The following MYOM2 variants were observed in gnomAD, a reference collection of about 807,000 sequenced individuals.
MYOM2 encodes myomesin 2.
MYOM2 carries 254 observed loss-of-function variants against 187.6 expected under a neutral mutation model. The ratio of observed to expected loss-of-function variants is 1.35; its 90% CI spans 1.22 to 1.50. The LOEUF (loss-of-function observed/expected upper bound fraction) is 1.50. MYOM2 is among the 40% of genes most tolerant of loss of function. MYOM2 has a pLI of 0.00. For synonymous variants in MYOM2, 981 were observed against 753.8 expected, an observed-to-expected ratio of 1.30 and a Z score of -4.94; for missense variants, 2,796 against 1,924.0, an observed-to-expected ratio of 1.45 and a Z score of -8.48.
intron 32 of MYOM2, among the ~76,000 whole-genome samples, chr8:2,137,441 G>A (rs916594704): frequency 6.6e-6 from 1 of 152,056 alleles, no homozygotes; most frequent in Non-Finnish European, 1.5e-5. Context: ...GCAGGGCAGG[G>A]AAGCAGGGTG....
At chr8:2,084,951 C>T (rs182597064) in intron 13 of MYOM2, 61 of 334,570 alleles carry the variant, frequency 1.8e-4, no homozygotes, top group Non-Finnish European at 2.6e-4. Flanking sequence ...AGCCCCATTT[C>T]GGGTGCAATG....
chr8:2,112,729 G>T (rs1427132594), intron 25 of MYOM2, among the ~76,000 whole-genome samples: 1 of 152,170 alleles, frequency 6.6e-6, no homozygotes, highest in Non-Finnish European at 1.5e-5. Context: ...TATCAAAACA[G>T]AAATGTAAAC....
At chr8:2,048,333 G>A (rs534254541) in intron 1 of MYOM2, among the ~76,000 whole-genome samples, 1 of 152,354 alleles carries the variant, frequency 6.6e-6, no homozygotes, top group South Asian at 2.1e-4. Context: ...GCTCTTCCCA[G>A]CACCCTGCTG....
In MYOM2 at chr8:2,100,013, TTTCTTTCCTTCCTTCC is replaced by T. The variant is rs1282072373; in HGVS notation, c.2441-827_2441-812del. ...CTTCCTTCTTTCCTTCCTTCCTTCC[TTTCTTTCCTTCCTTCC>T]TTCTTTCCTTCCTTCCTTCTTTCCT... On this transcript the variant is annotated intron_variant, in intron 19 of 36. Transcript: ENST00000262113. Among the ~76,000 whole-genome samples, 61 of 69,136 alleles carry T rather than the reference TTTCTTTCCTTCCTTCC, an allele frequency of 8.8e-4. 1 individual carries two copies. The highest frequency in any genetic ancestry group is 1.8e-3 in the African/African-American group (48 of 26,878). The allele number at this position is 69,136 out of a possible 152,430, so 45.4% of individuals were successfully genotyped here.
intron 1 of MYOM2, among the ~76,000 whole-genome samples, chr8:2,047,548 G>T (rs1267057239): frequency 3.3e-5 from 5 of 152,282 alleles, no homozygotes; most frequent in Middle Eastern, 3.4e-3. Context: ...GAAATCCAAG[G>T]GTTCTGATTT....
At chr8:2,058,155 A>G (rs1818736985) in intron 5 of MYOM2, among the ~76,000 whole-genome samples, 1 of 151,622 alleles carries the variant, frequency 6.6e-6, no homozygotes, top group Non-Finnish European at 1.5e-5. Context: ...AGTAGCTGGG[A>G]CCACAGGTGT....
intron 18 of MYOM2, chr8:2,097,275 A>AT (rs1297244697): frequency 2.9e-5 from 6 of 203,980 alleles, no homozygotes; most frequent in Non-Finnish European, 5.2e-5. Flanking sequence ...TTGCTGTGAC[A>AT]TTATTGATAT....
intron 32 of MYOM2, among the ~76,000 whole-genome samples, chr8:2,134,367 A>T (rs975788366): frequency 1.8e-4 from 27 of 152,148 alleles, no homozygotes; most frequent in African/African-American, 6.5e-4. Context: ...ACTCCGTTTT[A>T]GCTGGAATAC....
rs992449362 is a variant in MYOM2 at position 2,057,273 on chromosome 8, C to T, written c.264-75C>T. 7.2e-6 allele frequency: 11 copies of T among 1,518,784 alleles called. No homozygotes were observed. The South Asian group carries it at 1.4e-4, about 20-fold the overall frequency. The allele number at this position is 1,518,784 out of a possible 1,614,324, so 94.1% of individuals were successfully genotyped here. On this transcript the variant is annotated intron_variant, in intron 3 of 36. Coordinates refer to ENST00000262113, the MANE Select transcript of MYOM2 (RefSeq NM_003970.4). ...AAACCCTAGGGAGAGAATGGGCATG[C>T]CCTTTCCGGCCTTCGGGGGCCACGT...
chr8:2,141,765 T>C (rs1798281096), intron 34 of MYOM2, among the ~76,000 whole-genome samples: 1 of 152,180 alleles, frequency 6.6e-6, no homozygotes, highest in Admixed American at 6.5e-5. Flanking sequence ...TAAGCTGATG[T>C]TTTTGGGCTG....
At chr8:2,055,607 C>G (rs942623657) in intron 3 of MYOM2, among the ~76,000 whole-genome samples, 2 of 152,174 alleles carry the variant, frequency 1.3e-5, no homozygotes, top group African/African-American at 4.8e-5. Flanking sequence ...TTCCTCCCAC[C>G]TCATTTCTGT....
chr8:2,103,025 T>A (rs1360676520), intron 21 of MYOM2, among the ~76,000 whole-genome samples: 1 of 151,926 alleles, frequency 6.6e-6, no homozygotes, highest in Non-Finnish European at 1.5e-5. Context: ...TGTTTATGCA[T>A]GGGTGTCTGA....
At position 2,076,210 on chromosome 8, in the gene MYOM2, A is replaced by C; in HGVS notation, c.1190A>C (p.Asp397Ala). 1 of 1,613,632 alleles carries C rather than the reference A, an allele frequency of 6.2e-7. No homozygotes were observed. Residue 397 changes from aspartate (D) to alanine (A), a missense_variant, in exon 11 of 37, where the codon GAC (aspartate) becomes GCC (alanine). Transcript: ENST00000262113. The stretch of plus-strand genomic sequence containing the variant: ...TTGCAGTGCCACGACGCCAACCGGG[A>C]CTACGTCATCGTGACCTGGAAGCCG... ...MDLQCHDANR[D>A]YVIVTWKPPN... is the part of the protein sequence containing the mutation.
rs757529535 is a variant in MYOM2, at chr8:2,073,242, T to A, written c.959-97T>A. On this transcript the variant is annotated intron_variant, in intron 9 of 36. Transcript: ENST00000262113. Reference sequence around the variant, plus strand: ...CCTTCCGTGGTGTCCAGCTCGACTGTCCTGTCCCGCTCTGAGACGACGCTG... The same window carrying A: ...CCTTCCGTGGTGTCCAGCTCGACTGACCTGTCCCGCTCTGAGACGACGCTG... 2.1e-5 allele frequency: 29 copies of A among 1,371,282 alleles called. 1 individual carries two copies. The highest frequency in any genetic ancestry group is 4.3e-5 in the African/African-American group (3 of 69,826). The allele number at this position is 1,371,282 out of a possible 1,614,324, so 84.9% of individuals were successfully genotyped here.
At chr8:2,115,853 T>C (rs1048447510) in intron 25 of MYOM2, 107 bp from the exon 26 acceptor site, 130 of 1,290,416 alleles carry the variant, frequency 1.0e-4, no homozygotes, top group Middle Eastern at 9.6e-4. Context: ...TTTCTTCCTA[T>C]CATAATCCCT....
intron 25 of MYOM2, among the ~76,000 whole-genome samples, chr8:2,109,744 A>C (rs1338458271): frequency 6.6e-6 from 1 of 152,220 alleles, no homozygotes; most frequent in African/African-American, 2.4e-5. Context: ...AGGAGTCTTT[A>C]AAATCTGAGC....
intron 32 of MYOM2, among the ~76,000 whole-genome samples, chr8:2,136,843 C>T (rs952296716): frequency 3.3e-5 from 5 of 152,188 alleles, no homozygotes; most frequent in African/African-American, 7.2e-5. Flanking sequence ...TGGAATGGAA[C>T]GTAGTCCAGC....
intron 6 of MYOM2, among the ~76,000 whole-genome samples, chr8:2,065,098 G>T (rs910363548): frequency 1.3e-5 from 2 of 152,206 alleles, no homozygotes; most frequent in Admixed American, 6.5e-5. Context: ...CAAGTACATT[G>T]TTTTATTTAA....
rs1796999970 is a variant in MYOM2 at position 2,109,515 on chromosome 8, A to G, written c.3164A>G (p.Glu1055Gly). 5.0e-6 allele frequency: 8 copies of G among 1,611,818 alleles called. No individual in the cohort carries two copies. Among genetic ancestry groups the G allele is most frequent in the Non-Finnish European group, 5.1e-6 (6 of 1,179,100 alleles). The change falls in exon 25 of 37, where the codon GAA (glutamate) becomes GGA (glycine). Residue 1055 changes from glutamate to glycine, a missense_variant. Physicochemically the swap from Glu to Gly is moderately conservative, Grantham distance 98. Coordinates refer to ENST00000262113, the MANE Select transcript of MYOM2 (RefSeq NM_003970.4). ...ASYRFIINDR[E>G]VSDSEIHRIK... ...TACCGATTTATTATTAACGACAGAG[A>G]AGTCTCTGACAGCGAGGTGAGTTCC...
Sources: allele counts gnomAD v4.1 joint callset (sites outside exome capture counted in the v4.1 genomes callset), GRCh38; gene constraint gnomAD v4.1.1; transcripts MANE v1.5; gene names NCBI Gene and HGNC (gene_info 2026-07-23, HGNC 2026-07-21).